The following ABCC5 variants were observed in gnomAD, a reference collection of about 807,000 sequenced individuals.
ABCC5 encodes the protein ATP-binding cassette sub-family C member 5.
ABCC5 carries 61 observed loss-of-function variants against 160.9 expected under a neutral mutation model. The ratio of observed to expected loss-of-function variants is 0.38; its 90% CI spans 0.31 to 0.47. The LOEUF (loss-of-function observed/expected upper bound fraction) is 0.47, where lower values mean the gene tolerates loss of function less well. Among genes scored for constraint, ABCC5 ranks in the 20% least tolerant of loss-of-function variants. The pLI is 0.99. For synonymous variants in ABCC5, 666 were observed against 700.6 expected, an observed-to-expected ratio of 0.95 and a Z score of 0.78; for missense variants, 1,308 against 1,813.3, an observed-to-expected ratio of 0.72 and a Z score of 5.06.
At chr3:183,924,378 C>T (rs991106329) in intron 29 of ABCC5, among the ~76,000 whole-genome samples, 2 of 152,104 alleles carry the variant, frequency 1.3e-5, no homozygotes, top group Non-Finnish European at 2.9e-5. Context: ...AAAGCAGAAT[C>T]CAGGCTATGT....
chr3:183,943,035 C>T (rs1005634316), intron 24 of ABCC5, 119 bp from the exon 25 acceptor site: 1 of 979,540 alleles, frequency 1.0e-6, no homozygotes, highest in Non-Finnish European at 1.5e-6. Flanking sequence ...AGCTGCCACC[C>T]TGTCACCTTG....
At position 183,942,886 on chromosome 3, in the gene ABCC5, T is replaced by G; in HGVS notation, c.3535A>C (p.Lys1179Gln). ...CAGTCAGGGGAGGGAGCCTTGTTCTTAATTCTGGCAGGTGCTTCCAAGGAC... is the reference window on the plus strand; with the variant it reads ...CAGTCAGGGGAGGGAGCCTTGTTCTGAATTCTGGCAGGTGCTTCCAAGGAC... ...TLSLEAPARI[K>Q]NKAPSPDWPQ... Residue 1179 changes from lysine (K) to glutamine (Q), a missense_variant, in exon 25 of 30, where the codon AAG becomes CAG. Lys to Gln is a moderately conservative substitution (Grantham distance 53). Coordinates refer to ENST00000334444, the MANE Select transcript of ABCC5 (RefSeq NM_005688.4). 1 of 1,613,828 alleles carries G rather than the reference T, an allele frequency of 6.2e-7. No homozygotes were observed. Among genetic ancestry groups the G allele is most frequent in the Non-Finnish European group, 8.5e-7 (1 of 1,179,854 alleles).
chr3:184,010,884 G>A (rs1389237479), intron 2 of ABCC5, among the ~76,000 whole-genome samples: 11 of 144,824 alleles, frequency 7.6e-5, no homozygotes. Flanking sequence ...TGCAACTTCC[G>A]CCTCTCAGGT....
chr3:183,956,584 G>T (rs1053775237), intron 17 of ABCC5, among the ~76,000 whole-genome samples: 3 of 142,444 alleles, frequency 2.1e-5, no homozygotes, highest in Non-Finnish European at 3.1e-5. Context: ...ATATCACATC[G>T]GTTACATGCA....
At chr3:183,986,267 T>C (rs1719210218) in intron 5 of ABCC5, 3 of 152,220 alleles carry the variant, frequency 2.0e-5, no homozygotes, top group Admixed American at 6.5e-5. Context: ...TCCATTACTT[T>C]CTCAGCTCTA....
rs189514010 is a variant in ABCC5 at position 183,957,570 on chromosome 3, C to G, written c.2482+2163G>C. 6.9e-3 allele frequency among the ~76,000 whole-genome samples: 1,045 copies of G among 151,704 alleles called. 5 individuals are homozygous for G. The highest frequency in any genetic ancestry group is 0.025 in the African/African-American group (1,019 of 41,394). ...GTTACATGCGGATCCGTGTGTACATCACATCGGTTACATGCTTATCCGTGT... is the reference window on the plus strand; with the variant it reads ...GTTACATGCGGATCCGTGTGTACATGACATCGGTTACATGCTTATCCGTGT... On this transcript the variant is annotated intron_variant, in intron 17 of 29. Transcript: ENST00000334444.
Position 183,949,610 on chromosome 3 carries a change from A to C in ABCC5, c.3227+143T>G. 2 of 1,099,614 alleles carry C rather than the reference A, an allele frequency of 1.8e-6. No individual in the cohort carries two copies. Among genetic ancestry groups the C allele is most frequent in the Non-Finnish European group, 2.5e-6 (2 of 793,654 alleles). 68.1% of individuals were successfully genotyped at this position (1,099,614 alleles called of 1,614,324 possible). A position where few individuals can be genotyped will look rare whatever the true frequency, so the allele number is the denominator to read the frequency against. On this transcript the variant is annotated intron_variant, in intron 22 of 29. Coordinates refer to ENST00000334444, the MANE Select transcript of ABCC5 (RefSeq NM_005688.4). This position sits in a 1 kb window ranked among gnomAD's most constrained non-coding sequence, Gnocchi z 4.2. ...CCCGCCAAGCAATTGGATTTTAATC[A>C]GAGATTATTCCATTAAATCATGAAT...
intron 26 of ABCC5, among the ~76,000 whole-genome samples, chr3:183,929,143 C>T (rs955782603): frequency 1.3e-5 from 2 of 152,120 alleles, no homozygotes; most frequent in African/African-American, 4.8e-5. Flanking sequence ...TGTTAAAATA[C>T]ATCTTTCGGC....
At chr3:183,966,385 A>G (rs947862066) in intron 12 of ABCC5, among the ~76,000 whole-genome samples, 1 of 152,200 alleles carries the variant, frequency 6.6e-6, no homozygotes, top group Non-Finnish European at 1.5e-5. Context: ...AACACCGCAC[A>G]TTGCAGCGCT....
At chr3:183,978,942 AT>A (rs1718458972) in intron 8 of ABCC5, among the ~76,000 whole-genome samples, 1 of 152,212 alleles carries the variant, frequency 6.6e-6, no homozygotes, top group South Asian at 2.1e-4. Context: ...GAACACATTA[AT>A]TGTATCTATA....
At position 183,971,971 on chromosome 3, in the gene ABCC5, G is replaced by A. The variant is rs534036964; in HGVS notation, c.1405-52C>T. On this transcript the variant is annotated intron_variant, in intron 10 of 29. Transcript: ENST00000334444. ...AAGATGAGACACTGGATCAAGACCA[G>A]GGAGACAAGCCTAGGGCGTACACTC... is the stretch of plus-strand genomic sequence containing the variant. 1.7e-5 allele frequency: 27 copies of A among 1,609,134 alleles called. No individual in the cohort carries two copies. The Middle Eastern group carries it at 1.3e-3, about 79-fold the overall frequency.
chr3:183,993,617 C>A (rs1317597476), intron 2 of ABCC5, among the ~76,000 whole-genome samples: 1 of 151,996 alleles, frequency 6.6e-6, no homozygotes, highest in Non-Finnish European at 1.5e-5. Flanking sequence ...TGACATTTAC[C>A]TTTATCATAT....
At chr3:183,937,858 C>A (rs771043768) in intron 26 of ABCC5, 43 bp downstream of exon 26, 12 of 1,605,154 alleles carry the variant, frequency 7.5e-6, no homozygotes, top group Admixed American at 1.7e-5. Flanking sequence ...GCTCATCTGG[C>A]CTCTAAGTGA....
rs944991456 is a variant in ABCC5, at chr3:183,988,993, G to A, written c.287+233C>T. ...ATCCTGGCCAATATGGTGTAACCCC[G>A]TCTCTACTAAAAATACAAAAAAATT... On this transcript the variant is annotated intron_variant, in intron 3 of 29. Transcript: ENST00000334444. This position sits in a 1 kb window ranked among gnomAD's most constrained non-coding sequence, Gnocchi z 4.4. Among the ~76,000 whole-genome samples the A allele has an allele frequency of 4.0e-5, 6 of 151,676 alleles. No homozygotes were observed. Among genetic ancestry groups the A allele is most frequent in the Admixed American group, 2.0e-4 (3 of 15,214 alleles).
At chr3:183,994,338 C>A (rs931057014) in intron 2 of ABCC5, among the ~76,000 whole-genome samples, 19 of 151,814 alleles carry the variant, frequency 1.3e-4, no homozygotes, top group African/African-American at 4.6e-4. Flanking sequence ...GATGAGAAAT[C>A]TAGTTTCCCC....
intron 17 of ABCC5, 72 bp from the exon 18 acceptor site, chr3:183,953,342 G>A: frequency 7.1e-7 from 1 of 1,415,404 alleles, no homozygotes; most frequent in Non-Finnish European, 9.5e-7. Flanking sequence ...CACCTGCAGA[G>A]CAACAGAATC....
chr3:183,970,121 T>C (rs1717598996), intron 11 of ABCC5, among the ~76,000 whole-genome samples: 1 of 152,098 alleles, frequency 6.6e-6, no homozygotes, highest in African/African-American at 2.4e-5. Flanking sequence ...CTCCAAAGGC[T>C]CCTCTTCCCA....
At chr3:183,950,362 A>C (rs1715232069) in intron 20 of ABCC5, among the ~76,000 whole-genome samples, 1 of 152,142 alleles carries the variant, frequency 6.6e-6, no homozygotes, top group Non-Finnish European at 1.5e-5. Context: ...CACTGCTTTA[A>C]ACATTTTCCC....
At chr3:183,995,867 G>A (rs939283527) in intron 2 of ABCC5, among the ~76,000 whole-genome samples, 1 of 151,976 alleles carries the variant, frequency 6.6e-6, no homozygotes, top group Non-Finnish European at 1.5e-5. Context: ...GAGTGCAGTG[G>A]TGCGACCTAA....
Sources: allele counts gnomAD v4.1 joint callset (sites outside exome capture counted in the v4.1 genomes callset), GRCh38; gene constraint gnomAD v4.1.1; non-coding constraint Gnocchi (gnomAD v3.1); transcripts MANE v1.5; gene names NCBI Gene and HGNC (gene_info 2026-07-23, HGNC 2026-07-21).